The following THRB variants were observed in gnomAD, a reference collection of about 807,000 sequenced individuals.
The protein encoded by THRB is nuclear receptor subfamily 1 group A member 2.
Under a neutral mutation model 47.8 loss-of-function variants are expected in THRB, and 12 were observed. That is an observed-to-expected ratio of 0.25 (90% CI 0.16 to 0.41). The LOEUF is 0.41. Among genes scored for constraint, THRB ranks in the 10% least tolerant of loss-of-function variants. The pLI is 1.00. For synonymous variants in THRB, 218 were observed against 212.2 expected (o/e 1.03, Z -0.24); for missense variants, 348 against 589.2 (o/e 0.59, Z 4.24).
intron 5 of THRB, among the ~76,000 whole-genome samples, chr3:24,173,852 C>T (rs1046710450): frequency 1.3e-5 from 2 of 152,118 alleles, no homozygotes; most frequent in Non-Finnish European, 2.9e-5. Context: ...TCTCTTGTGC[C>T]TTCCAGACCT....
chr3:24,322,031 T>C (rs1358417265), intron 2 of THRB, among the ~76,000 whole-genome samples: 1 of 152,104 alleles, frequency 6.6e-6, no homozygotes, highest in Non-Finnish European at 1.5e-5. Flanking sequence ...GCTTACTTTA[T>C]ATATTTAGTG....
At chr3:24,450,827 G>T (rs1206131378) in intron 1 of THRB, among the ~76,000 whole-genome samples, 1 of 152,148 alleles carries the variant, frequency 6.6e-6, no homozygotes, top group African/African-American at 2.4e-5. Flanking sequence ...CCACTGACAT[G>T]CAGTCAGTGT....
chr3:24,473,137 G>A (rs938234819), intron 1 of THRB, among the ~76,000 whole-genome samples: 9 of 152,126 alleles, frequency 5.9e-5, no homozygotes, highest in African/African-American at 1.7e-4. Flanking sequence ...AAATAAACAT[G>A]TAATAGAAAC....
At chr3:24,240,089 G>A (rs2049330816) in intron 3 of THRB, among the ~76,000 whole-genome samples, 1 of 152,180 alleles carries the variant, frequency 6.6e-6, no homozygotes, top group Non-Finnish European at 1.5e-5. Context: ...GGGAACCATG[G>A]CTATAACAGC....
intron 3 of THRB, among the ~76,000 whole-genome samples, chr3:24,271,564 C>A (rs192287520): frequency 6.6e-6 from 1 of 151,972 alleles, no homozygotes; most frequent in Admixed American, 6.5e-5. Flanking sequence ...TATTTTTTTT[C>A]CTGTTAGAGG....
At chr3:24,188,884 T>TATATATATATATATATATATATATATAA (rs1559548488) in intron 5 of THRB, among the ~76,000 whole-genome samples, 4 of 142,804 alleles carry the variant, frequency 2.8e-5, no homozygotes, top group Admixed American at 6.9e-5. Flanking sequence ...TATATATATA[T>TATATATATATATATATATATATATATAA]GAGAGAAAGA....
intron 1 of THRB, among the ~76,000 whole-genome samples, chr3:24,374,960 A>C (rs373715870): frequency 6.6e-6 from 1 of 152,156 alleles, no homozygotes. Context: ...TCTTTAGCAA[A>C]GCAAATGTGC....
chr3:24,322,510 T>C (rs2058549905), intron 2 of THRB, among the ~76,000 whole-genome samples: 1 of 152,230 alleles, frequency 6.6e-6, no homozygotes, highest in South Asian at 2.1e-4. Context: ...ATAATTAAAA[T>C]GTCTAAGTCT....
intron 1 of THRB, among the ~76,000 whole-genome samples, chr3:24,476,526 G>A (rs1391156644): frequency 6.6e-6 from 1 of 152,168 alleles, no homozygotes; most frequent in Non-Finnish European, 1.5e-5. Context: ...GAGTGTTGAA[G>A]AAATGTAAAT....
At chr3:24,493,318 C>A (rs2125987836) in intron 1 of THRB, among the ~76,000 whole-genome samples, 2 of 152,304 alleles carry the variant, frequency 1.3e-5, no homozygotes, top group South Asian at 4.2e-4. Flanking sequence ...ATTTTTATTT[C>A]TTTGCAGTGC....
chr3:24,136,079 G>A (rs1052444870), intron 8 of THRB, among the ~76,000 whole-genome samples: 1 of 151,710 alleles, frequency 6.6e-6, no homozygotes. Flanking sequence ...CAATTTGTGG[G>A]TGTGTAGATT....
chr3:24,249,457 C>T (rs562487859), intron 3 of THRB, among the ~76,000 whole-genome samples: 3 of 152,056 alleles, frequency 2.0e-5, no homozygotes, highest in South Asian at 2.2e-4. Context: ...AAGAATTAAA[C>T]TCTTAGAGCG....
intron 3 of THRB, among the ~76,000 whole-genome samples, chr3:24,284,994 C>G (rs1386821501): frequency 3.9e-5 from 6 of 152,236 alleles, no homozygotes; most frequent in Middle Eastern, 6.8e-3. Context: ...GGACTGTAAA[C>G]TAGTTCAACC....
chr3:24,247,245 G>T (rs56183062), intron 3 of THRB, among the ~76,000 whole-genome samples: 1 of 152,126 alleles, frequency 6.6e-6, no homozygotes, highest in Non-Finnish European at 1.5e-5. Flanking sequence ...ATGTGTGCAC[G>T]GTTTCCTAAA....
chr3:24,301,446 T>C (rs191554224), intron 2 of THRB, among the ~76,000 whole-genome samples: 1 of 152,242 alleles, frequency 6.6e-6, no homozygotes, highest in Admixed American at 6.5e-5. Context: ...TTATGAATGC[T>C]GTGGCAAAGC....
chr3:24,316,473 C>T (rs988877831), intron 2 of THRB, among the ~76,000 whole-genome samples: 1 of 151,688 alleles, frequency 6.6e-6, no homozygotes, highest in Non-Finnish European at 1.5e-5. Flanking sequence ...TTCCTTCTCG[C>T]CCTCTTGCTC....
chr3:24,291,853 CTG>C (rs2055951508), intron 3 of THRB, among the ~76,000 whole-genome samples: 1 of 152,100 alleles, frequency 6.6e-6, no homozygotes, highest in Non-Finnish European at 1.5e-5. Context: ...CCTTTTGACA[CTG>C]TGATTCTACA....
chr3:24,401,953 T>C (rs116771266), intron 1 of THRB, among the ~76,000 whole-genome samples: 3,726 of 152,114 alleles, frequency 0.024, 143 homozygotes, highest in African/African-American at 0.083. Flanking sequence ...GGGAGAGAAC[T>C]GAGGATGAAC....
At chr3:24,421,168 A>G (rs2069224638) in intron 1 of THRB, among the ~76,000 whole-genome samples, 1 of 151,854 alleles carries the variant, frequency 6.6e-6, no homozygotes, top group Non-Finnish European at 1.5e-5. Flanking sequence ...GGACACATAG[A>G]GGGGAACAAT....
Sources: gnomAD v4.1 joint callset for allele counts (sites outside exome capture counted in the v4.1 genomes callset) on GRCh38, gnomAD v4.1.1 for gene constraint, MANE v1.5 for transcripts, NCBI Gene and HGNC (gene_info 2026-07-23, HGNC 2026-07-21) for gene names.